Variants in ARPIN observed in about 807,000 individuals in gnomAD.
ARPIN encodes UPF0552 protein C15orf38.
In ARPIN, 23 loss-of-function variants were observed where a neutral mutation model predicts 25.9. The observed-to-expected ratio is 0.89, with a 90% CI of 0.64 to 1.26. ARPIN has a LOEUF of 1.26. Ranked by LOEUF, ARPIN falls within the 50% of genes most tolerant of loss-of-function variation. ARPIN has a pLI of 0.00. For missense variants in ARPIN, 333 were observed against 312.2 expected (o/e 1.07, Z -0.50); for synonymous variants, 126 against 131.4 (o/e 0.96, Z 0.28).
intron 5 of ARPIN, among the ~76,000 whole-genome samples, chr15:89,902,390 A>G (rs897419812): frequency 2.6e-5 from 4 of 152,144 alleles, no homozygotes; most frequent in African/African-American, 9.7e-5. Context: ...CCTGGGCAAT[A>G]AGAGTGAAAC....
intron 5 of ARPIN, 110 bp from the exon 6 acceptor site, chr15:89,901,913 G>T: frequency 7.5e-7 from 1 of 1,339,320 alleles, no homozygotes; most frequent in Non-Finnish European, 1.1e-6. Context: ...TGGGGCCCAT[G>T]AGTGCTTGCC....
chr15:89,912,268 G>C (rs1897237875), intron 1 of ARPIN: 1 of 992,266 alleles, frequency 1.0e-6, no homozygotes, highest in Non-Finnish European at 1.2e-6. Flanking sequence ...TCATAACCCT[G>C]TGACGACAGG....
chr15:89,904,106 G>T, intron 3 of ARPIN, 123 bp from the exon 4 acceptor site: 1 of 1,218,278 alleles, frequency 8.2e-7, no homozygotes, highest in Non-Finnish European at 1.1e-6. Context: ...CTGGGACTCA[G>T]TGCCCATTCT....
At chr15:89,903,623 G>A (rs541083013) in intron 4 of ARPIN, among the ~76,000 whole-genome samples, 154 bp downstream of exon 4, 2 of 152,232 alleles carry the variant, frequency 1.3e-5, no homozygotes, top group South Asian at 4.1e-4. Context: ...TAGGGCACTT[G>A]TGCAGGGATT....
chr15:89,903,219 C>T lies in ARPIN; in HGVS notation c.669G>A (p.Glu223=). ...REQGDGAEDE[E]WDD Reference sequence around the variant, plus strand: ...TGCACCAACACCAGGTACCTACCCACTCCTCGTCCTCTGCCCCATCCCCCT... The same window carrying T: ...TGCACCAACACCAGGTACCTACCCATTCCTCGTCCTCTGCCCCATCCCCCT... Residue 223 remains glutamate (E), a synonymous_variant, in exon 5 of 6, where the codon GAG becomes GAA. Transcript: ENST00000357484. The T allele has an allele frequency of 1.9e-6, 3 of 1,614,238 alleles. No homozygotes were observed. The highest frequency in any genetic ancestry group is 2.2e-5 in the East Asian group (1 of 44,884).
At position 89,896,305 on chromosome 15, in the gene ARPIN, A is replaced by T. The variant is rs1213167643; in HGVS notation, c.*5490T>A. 2 of 152,244 alleles carry T rather than the reference A, an allele frequency of 1.3e-5. No individual in the cohort carries two copies. The highest frequency in any genetic ancestry group is 3.8e-4 in the East Asian group (2 of 5,204). 9.4% of individuals were successfully genotyped at this position (152,244 alleles called of 1,614,324 possible). On this transcript the variant is annotated 3_prime_UTR_variant, in exon 6 of 6. Transcript: ENST00000357484. Reference sequence around the variant, plus strand: ...ATTCTGAAACAGAATTATGAAGAAGAACTAGCTCTGCCAACTATGAAAACC... The same window carrying T: ...ATTCTGAAACAGAATTATGAAGAAGTACTAGCTCTGCCAACTATGAAAACC...
chr15:89,912,667 A>G lies in ARPIN; in HGVS notation c.92+77T>C. 13 of 443,442 alleles carry G rather than the reference A, an allele frequency of 2.9e-5. No individual in the cohort carries two copies. The East Asian group carries it at 5.1e-4, about 17-fold the overall frequency. The allele number at this position is 443,442 out of a possible 1,614,324, so 27.5% of individuals were successfully genotyped here. On this transcript the variant is annotated intron_variant, in intron 1 of 5. Coordinates refer to ENST00000357484, the MANE Select transcript of ARPIN (RefSeq NM_182616.4). ...CCCAGTTTTCCCCCACCCGCATCCC[A>G]CCCCCCCACCCGATCCTGTTGCGGG...
chr15:89,907,569 CA>C (rs910540845), intron 3 of ARPIN, among the ~76,000 whole-genome samples: 2 of 152,268 alleles, frequency 1.3e-5, no homozygotes, highest in South Asian at 2.1e-4. Flanking sequence ...AAGCGCAAAG[CA>C]AGCCCTCACC....
chr15:89,906,500 G>A (rs527524292), intron 3 of ARPIN, among the ~76,000 whole-genome samples: 1 of 152,262 alleles, frequency 6.6e-6, no homozygotes, highest in South Asian at 2.1e-4. Context: ...CCCCAGCCAT[G>A]CCTGCCTGGG....
chr15:89,908,016 T>C (rs1019858258), intron 3 of ARPIN, among the ~76,000 whole-genome samples: 6 of 152,100 alleles, frequency 3.9e-5, no homozygotes, highest in Non-Finnish European at 1.5e-5. Flanking sequence ...AAAGCCAGGT[T>C]TGTGGGTGAT....
rs891129265 is a variant in ARPIN at position 89,903,955 on chromosome 15, C to T, written c.330G>A (p.Arg110=). The T allele has an allele frequency of 6.2e-7, 1 of 1,609,346 alleles. No homozygotes were observed. ...YKVEAKGDTD[R]LTPEALKGLV... Reference sequence around the variant, plus strand: ...GCCCCTTCAGCGCCTCGGGCGTGAGCCTGTCAGTGTCCCCCTTGGCTTCCA... The same window carrying T: ...GCCCCTTCAGCGCCTCGGGCGTGAGTCTGTCAGTGTCCCCCTTGGCTTCCA... Residue 110 remains arginine, a synonymous_variant, in exon 4 of 6, where the codon AGG becomes AGA. Transcript: ENST00000357484.
intron 5 of ARPIN, among the ~76,000 whole-genome samples, chr15:89,902,500 C>T (rs116913105): frequency 0.021 from 3,150 of 151,850 alleles, 44 homozygotes; most frequent in Non-Finnish European, 0.032. Context: ...TTCAGAAAAA[C>T]AACTGTGAAC....
In ARPIN at chr15:89,910,649, C is replaced by T; in HGVS notation, c.168+95G>A. 3 of 1,505,622 alleles carry T rather than the reference C, an allele frequency of 2.0e-6. No homozygotes were observed. In the South Asian group the frequency reaches 3.5e-5, roughly 18 times the overall value. The allele number at this position is 1,505,622 out of a possible 1,614,324, so 93.3% of individuals were successfully genotyped here. A position where few individuals can be genotyped will look rare whatever the true frequency, so the allele number is the denominator to read the frequency against. On this transcript the variant is annotated intron_variant, in intron 2 of 5. Coordinates refer to ENST00000357484, the MANE Select transcript of ARPIN (RefSeq NM_182616.4). ...TCTAAGCCCATCAAGAATCCCAACT[C>T]ATGGCACTGGAAGGACCCAGCACAA... is the stretch of plus-strand genomic sequence containing the variant.
Position 89,903,923 on chromosome 15 carries a change from T to G in ARPIN, c.362A>C (p.Asn121Thr). Residue 121 changes from asparagine (N) to threonine (T), a missense_variant, in exon 4 of 6, where the codon AAC becomes ACC. Coordinates refer to ENST00000357484, the MANE Select transcript of ARPIN (RefSeq NM_182616.4). ...TGTCAGCGCGAGCAGCTCTGGCTTG[T>G]TGACCAGCCCCTTCAGCGCCTCGGG... ...LTPEALKGLV[N>T]KPELLALTES... 6.2e-6 allele frequency: 10 copies of G among 1,613,102 alleles called. No individual in the cohort carries two copies. The highest frequency in any genetic ancestry group is 8.5e-6 in the Non-Finnish European group (10 of 1,180,024).
At chr15:89,911,587 AC>A (rs1054207099) in intron 1 of ARPIN, among the ~76,000 whole-genome samples, 7 of 151,772 alleles carry the variant, frequency 4.6e-5, no homozygotes, top group African/African-American at 1.5e-4. Flanking sequence ...ATTCTTCCCC[AC>A]CCCCCACAAT....
At chr15:89,905,024 CT>C (rs34676869) in intron 3 of ARPIN, among the ~76,000 whole-genome samples, 89,707 of 139,176 alleles carry the variant, frequency 0.64, 28,644 homozygotes, top group East Asian at 0.78. Context: ...CCTGTCAACC[CT>C]TTTTTTTTTT....
intron 1 of ARPIN, 182 bp downstream of exon 1, chr15:89,912,562 C>G (rs1434004026): frequency 3.3e-5 from 45 of 1,348,808 alleles, no homozygotes; most frequent in Non-Finnish European, 4.0e-5. Context: ...CATGGGGTCG[C>G]TGGGCGGGCG....
rs77243120 is a variant in ARPIN, at chr15:89,908,229, C to T, written c.301+51G>A. 8.9e-4 allele frequency: 1,437 copies of T among 1,608,362 alleles called. 14 individuals carry two copies. In the East Asian group the frequency reaches 0.015, roughly 17 times the overall value. ...TAAGAGGCTCAGAAGAGAAAGGCCG[C>T]CACACTGCAGGAGGGCCCTGAGGGA... On this transcript the variant is annotated intron_variant, in intron 3 of 5. Transcript: ENST00000357484.
Position 89,912,872 on chromosome 15 carries a change from C to T in ARPIN, c.-37G>A, listed in dbSNP as rs1426892077. The T allele has an allele frequency of 6.7e-7, 1 of 1,503,244 alleles. No homozygotes were observed. The allele number at this position is 1,503,244 out of a possible 1,614,324, so 93.1% of individuals were successfully genotyped here. ...CCCGGGCACCCCGGCACAGAGCCGG[C>T]GCACTGGGCTGGGGGCGCGGCGCGG... On this transcript the variant is annotated 5_prime_UTR_variant, in exon 1 of 6. Transcript: ENST00000357484.
Sources: gnomAD v4.1 joint callset for allele counts (sites outside exome capture counted in the v4.1 genomes callset) on GRCh38, gnomAD v4.1.1 for gene constraint, MANE v1.5 for transcripts, NCBI Gene and HGNC (gene_info 2026-07-23, HGNC 2026-07-21) for gene names.